SORCS3: variants seen among roughly 807,000 people sequenced by gnomAD.
The protein encoded by SORCS3 is sortilin related VPS10 domain containing receptor 3, also known as VPS10 domain-containing receptor SorCS3.
SORCS3 carries 57 observed loss-of-function variants against 146.3 expected under a neutral mutation model. The observed-to-expected ratio is 0.39, with a 90% CI of 0.31 to 0.49. The LOEUF (loss-of-function observed/expected upper bound fraction) is 0.49, where lower values mean the gene tolerates loss of function less well. Ranked by LOEUF, SORCS3 falls within the 20% of genes least tolerant of loss-of-function variation. The pLI, the probability that SORCS3 is intolerant of heterozygous loss-of-function variation, is 0.92. For missense variants in SORCS3, 1,341 were observed against 1,575.5 expected, an observed-to-expected ratio of 0.85 and a Z score of 2.52; for synonymous variants, 653 against 618.5, an observed-to-expected ratio of 1.06 and a Z score of -0.83.
intron 3 of SORCS3, among the ~76,000 whole-genome samples, chr10:104,943,400 A>G (rs1184076978): frequency 1.3e-5 from 2 of 152,242 alleles, no homozygotes; most frequent in Admixed American, 6.5e-5. Flanking sequence ...TGCTATGATT[A>G]CAGGCATAAG....
chr10:104,649,484 C>G (rs1018554114), intron 1 of SORCS3, among the ~76,000 whole-genome samples: 2 of 152,204 alleles, frequency 1.3e-5, no homozygotes. Context: ...GGGGCCTTCC[C>G]TTAATTTTCA....
At chr10:105,092,346 C>T (rs1374918480) in intron 6 of SORCS3, among the ~76,000 whole-genome samples, 1 of 152,084 alleles carries the variant, frequency 6.6e-6, no homozygotes, top group Non-Finnish European at 1.5e-5. Context: ...AGTTCTGTTC[C>T]ATCTTCTAGG....
intron 5 of SORCS3, among the ~76,000 whole-genome samples, chr10:105,045,267 C>T (rs978523454): frequency 7.2e-5 from 11 of 152,062 alleles, no homozygotes; most frequent in Admixed American, 5.9e-4. Flanking sequence ...TTCTGTCATC[C>T]ACCCTCTTCC....
chr10:104,924,593 C>T (rs1353009622), intron 3 of SORCS3, among the ~76,000 whole-genome samples: 2 of 152,266 alleles, frequency 1.3e-5, no homozygotes, highest in East Asian at 3.9e-4. Flanking sequence ...ATGACAAAGG[C>T]CAAATGGCTT....
intron 2 of SORCS3, among the ~76,000 whole-genome samples, chr10:104,910,977 C>A (rs1379890697): frequency 1.3e-5 from 2 of 152,214 alleles, no homozygotes; most frequent in East Asian, 3.9e-4. Flanking sequence ...GTCTTATGAA[C>A]CTAGTGTCAG....
At chr10:104,991,398 T>A (rs181417746) in intron 4 of SORCS3, among the ~76,000 whole-genome samples, 1 of 152,118 alleles carries the variant, frequency 6.6e-6, no homozygotes, top group African/African-American at 2.4e-5. Context: ...GGCTTGAGCA[T>A]GGCCAGCTTC....
chr10:105,158,181 C>G (rs1054583054), intron 10 of SORCS3, among the ~76,000 whole-genome samples: 1 of 152,082 alleles, frequency 6.6e-6, no homozygotes, highest in African/African-American at 2.4e-5. Flanking sequence ...CAAACCTTGC[C>G]CATGGCTTCA....
chr10:105,145,447 C>T (rs1011131533), intron 8 of SORCS3, among the ~76,000 whole-genome samples: 3 of 152,076 alleles, frequency 2.0e-5, no homozygotes, highest in African/African-American at 7.2e-5. Flanking sequence ...GCCTCTAATC[C>T]TGACCATGCC....
chr10:104,765,959 G>A (rs1337322863), intron 1 of SORCS3, among the ~76,000 whole-genome samples: 1 of 152,134 alleles, frequency 6.6e-6, no homozygotes, highest in Non-Finnish European at 1.5e-5. Flanking sequence ...GCCTGTGTGG[G>A]GAACATCTTG....
chr10:105,171,691 T>C (rs1458512789), intron 13 of SORCS3, among the ~76,000 whole-genome samples: 2 of 152,166 alleles, frequency 1.3e-5, no homozygotes, highest in African/African-American at 4.8e-5. Flanking sequence ...CCTCATGTAC[T>C]GGGGATAAAA....
intron 19 of SORCS3, among the ~76,000 whole-genome samples, chr10:105,220,633 T>G (rs919467372): frequency 6.6e-6 from 1 of 152,100 alleles, no homozygotes; most frequent in Non-Finnish European, 1.5e-5. Context: ...AGGGGCCCCT[T>G]TTCTATCAGG....
intron 1 of SORCS3, among the ~76,000 whole-genome samples, chr10:104,677,280 CA>C (rs1487266475): frequency 6.6e-6 from 1 of 152,174 alleles, no homozygotes; most frequent in Non-Finnish European, 1.5e-5. Flanking sequence ...GCAGCTGGGC[CA>C]GCTCCCCTGT....
chr10:105,235,267 G>A (rs12416107), intron 20 of SORCS3, among the ~76,000 whole-genome samples: 11,463 of 152,130 alleles, frequency 0.075, 637 homozygotes, highest in Admixed American at 0.15. Context: ...TAAAAAGAAT[G>A]TAGTGCTCTG....
intron 1 of SORCS3, among the ~76,000 whole-genome samples, chr10:104,720,835 C>A (rs539951939): frequency 2.6e-5 from 4 of 152,030 alleles, no homozygotes; most frequent in African/African-American, 9.7e-5. Context: ...TTGTTTTTTT[C>A]TTGTAAATTT....
chr10:104,733,000 T>G (rs1050423660), intron 1 of SORCS3, among the ~76,000 whole-genome samples: 1 of 152,066 alleles, frequency 6.6e-6, no homozygotes, highest in Admixed American at 6.5e-5. Context: ...AGTGGCAGAG[T>G]TGGGGCAATC....
intron 3 of SORCS3, among the ~76,000 whole-genome samples, chr10:104,977,054 T>TATA (rs1277878451): frequency 1.3e-5 from 2 of 151,396 alleles, no homozygotes; most frequent in South Asian, 2.1e-4. Flanking sequence ...AAACTTGAAG[T>TATA]ATAATAATAA....
At chr10:104,921,055 G>A (rs569738806) in intron 3 of SORCS3, among the ~76,000 whole-genome samples, 2 of 152,360 alleles carry the variant, frequency 1.3e-5, no homozygotes, top group South Asian at 4.1e-4. Flanking sequence ...GGAAGCAAGA[G>A]AGTGTATGGT....
intron 7 of SORCS3, among the ~76,000 whole-genome samples, chr10:105,117,451 G>T (rs2055901563): frequency 6.6e-6 from 1 of 152,096 alleles, no homozygotes; most frequent in African/African-American, 2.4e-5. Context: ...ATATAAATGA[G>T]ATTCCTCAAT....
At chr10:104,778,299 G>A (rs892685834) in intron 1 of SORCS3, among the ~76,000 whole-genome samples, 1 of 152,188 alleles carries the variant, frequency 6.6e-6, no homozygotes, top group African/African-American at 2.4e-5. Context: ...GGGTGGGCCT[G>A]GGAATTGGTA....
Sources: allele counts gnomAD v4.1 joint callset (sites outside exome capture counted in the v4.1 genomes callset), GRCh38; gene constraint gnomAD v4.1.1; transcripts MANE v1.5; gene names NCBI Gene and HGNC (gene_info 2026-07-23, HGNC 2026-07-21).